PPP6R3: variants seen among roughly 807,000 people sequenced by gnomAD.
PPP6R3 encodes the protein protein phosphatase 6 regulatory subunit 3.
In PPP6R3, 38 loss-of-function variants were observed where a neutral mutation model predicts 110.7. That is an observed-to-expected ratio of 0.34 (90% CI 0.26 to 0.45). The LOEUF (loss-of-function observed/expected upper bound fraction) is 0.45. Ranked by LOEUF, PPP6R3 falls within the 20% of genes least tolerant of loss-of-function variation. The pLI is 1.00. For synonymous variants in PPP6R3, 369 were observed against 373.5 expected (o/e 0.99, Z 0.14); for missense variants, 870 against 1,062.4 (o/e 0.82, Z 2.52).
At chr11:68,530,969 G>C (rs1015906913) in intron 2 of PPP6R3, among the ~76,000 whole-genome samples, 3 of 151,946 alleles carry the variant, frequency 2.0e-5, no homozygotes, top group African/African-American at 4.8e-5. Context: ...CTTTCTTCAG[G>C]GTTCTAATAG....
intron 15 of PPP6R3, chr11:68,586,353 C>G (rs1406504438): frequency 1.3e-5 from 2 of 152,192 alleles, no homozygotes; most frequent in Non-Finnish European, 2.9e-5. Flanking sequence ...TGCTGGCTGT[C>G]ATTGTCCATT....
At position 68,614,773 on chromosome 11, in the gene PPP6R3, C is replaced by T. The variant is rs1944906406; in HGVS notation, c.*1656C>T. Reference sequence around the variant, plus strand: ...TGAGCCCCTCTCTGAAGAGACTGTCCTTGGGCCTCCTCTGGAAGCAGCACC... The same window carrying T: ...TGAGCCCCTCTCTGAAGAGACTGTCTTTGGGCCTCCTCTGGAAGCAGCACC... On this transcript the variant is annotated 3_prime_UTR_variant, in exon 24 of 24. Transcript: ENST00000393800. 6.5e-7 allele frequency: 1 copy of T among 1,540,230 alleles called. No homozygotes were observed. Among genetic ancestry groups the T allele is most frequent in the African/African-American group, 1.4e-5 (1 of 72,914 alleles).
chr11:68,531,072 T>C (rs1406809690), intron 2 of PPP6R3, among the ~76,000 whole-genome samples: 1 of 152,218 alleles, frequency 6.6e-6, no homozygotes, highest in Non-Finnish European at 1.5e-5. Flanking sequence ...AGGTAGTTTC[T>C]GAAATAACAC....
intron 1 of PPP6R3, among the ~76,000 whole-genome samples, chr11:68,472,772 A>G (rs2098801345): frequency 6.6e-6 from 1 of 152,116 alleles, no homozygotes; most frequent in Non-Finnish European, 1.5e-5. Context: ...CACCCCCTCA[A>G]CGACAACAAA....
chr11:68,463,355 GAAAAAAAAAA>G lies in PPP6R3; in HGVS notation c.-158+2541_-158+2550del, dbSNP rs1156285158. ...GGAGACAGAGCGAGACTCAGTCTCAGAAAAAAAAAAAAAAAAAAAAAAGATAGGGCTTTGC... is the reference window on the plus strand; with the variant it reads ...GGAGACAGAGCGAGACTCAGTCTCAGAAAAAAAAAAAAGATAGGGCTTTGC... On this transcript the variant is annotated intron_variant, in intron 1 of 23. Coordinates refer to ENST00000393800, the MANE Select transcript of PPP6R3 (RefSeq NM_001164161.2). Among the ~76,000 whole-genome samples the G allele has an allele frequency of 2.2e-4, 12 of 54,626 alleles. No homozygotes were observed. In the Admixed American group the frequency reaches 2.7e-3, roughly 12 times the overall value. The allele number at this position is 54,626 out of a possible 152,430, so 35.8% of individuals were successfully genotyped here. A position where few individuals can be genotyped will look rare whatever the true frequency, so the allele number is the denominator to read the frequency against.
chr11:68,564,658 T>C (rs1311417170), intron 9 of PPP6R3, among the ~76,000 whole-genome samples: 3 of 152,222 alleles, frequency 2.0e-5, no homozygotes, highest in African/African-American at 7.2e-5. Context: ...CTTCTGTAAA[T>C]TCTTGGGTAC....
chr11:68,574,971 T>G (rs1454167825), intron 13 of PPP6R3, among the ~76,000 whole-genome samples: 2 of 152,234 alleles, frequency 1.3e-5, no homozygotes, highest in African/African-American at 4.8e-5. Context: ...AATGTTTGTT[T>G]GTTCAAGAGG....
intron 1 of PPP6R3, among the ~76,000 whole-genome samples, chr11:68,484,574 T>TTA (rs1011484826): frequency 8.0e-5 from 12 of 150,564 alleles, no homozygotes; most frequent in African/African-American, 2.4e-4. Context: ...ATATATATTT[T>TTA]TATATATATA....
chr11:68,565,725 G>A (rs990787265), intron 9 of PPP6R3, among the ~76,000 whole-genome samples: 1 of 151,976 alleles, frequency 6.6e-6, no homozygotes, highest in South Asian at 2.1e-4. Flanking sequence ...GGACTTCTCT[G>A]TTACTCCGAG....
intron 19 of PPP6R3, among the ~76,000 whole-genome samples, chr11:68,598,348 C>A (rs1224347948): frequency 6.6e-6 from 1 of 152,196 alleles, no homozygotes; most frequent in Non-Finnish European, 1.5e-5. Flanking sequence ...GGGAAACACA[C>A]TTGGCTGGAC....
chr11:68,529,404 A>C (rs2099223121), intron 2 of PPP6R3, among the ~76,000 whole-genome samples: 2 of 152,140 alleles, frequency 1.3e-5, no homozygotes, highest in South Asian at 4.1e-4. Flanking sequence ...TTTTTAGTAG[A>C]GATGGAGTTT....
chr11:68,505,993 CTTTT>C lies in PPP6R3; in HGVS notation c.-157-13504_-157-13501del, dbSNP rs1236605077. The stretch of plus-strand genomic sequence containing the variant: ...GCCTTTTCTTCATTCATGTTTTATC[CTTTT>C]TTTCTTTATTTTTGGACACTGATAA... On this transcript the variant is annotated intron_variant, in intron 1 of 23. Coordinates refer to ENST00000393800, the MANE Select transcript of PPP6R3 (RefSeq NM_001164161.2). 4.6e-5 allele frequency among the ~76,000 whole-genome samples: 7 copies of C among 151,970 alleles called. No homozygotes were observed. In the South Asian group the frequency reaches 1.5e-3, roughly 32 times the overall value.
chr11:68,615,164 T>C lies in PPP6R3; in HGVS notation c.*2047T>C, dbSNP rs753788021. 3 of 446,566 alleles carry C rather than the reference T, an allele frequency of 6.7e-6. No individual in the cohort carries two copies. The highest frequency in any genetic ancestry group is 7.0e-5 in the East Asian group (1 of 14,228). The allele number at this position is 446,566 out of a possible 1,614,324, so 27.7% of individuals were successfully genotyped here. On this transcript the variant is annotated 3_prime_UTR_variant, in exon 24 of 24. Transcript: ENST00000393800. ...TATGACAATGGGGAGGACAGTTCTT[T>C]TGGAGGTTGGAGGGGCCAAGCCAAG...
At chr11:68,605,077 C>T (rs1472585825) in intron 22 of PPP6R3, among the ~76,000 whole-genome samples, 2 of 152,166 alleles carry the variant, frequency 1.3e-5, no homozygotes, top group Admixed American at 6.5e-5. Flanking sequence ...TGGTGGCTTG[C>T]ACCTGTAATC....
At chr11:68,477,275 A>G (rs546952204) in intron 1 of PPP6R3, among the ~76,000 whole-genome samples, 1 of 151,988 alleles carries the variant, frequency 6.6e-6, no homozygotes, top group East Asian at 1.9e-4. Flanking sequence ...ACAACACCGG[A>G]TGTCCCTGAC....
At chr11:68,520,510 G>A (rs1020494170) in intron 2 of PPP6R3, among the ~76,000 whole-genome samples, 3 of 152,198 alleles carry the variant, frequency 2.0e-5, no homozygotes, top group African/African-American at 7.2e-5. Flanking sequence ...GCAGGTGGAT[G>A]TTTCCTAGGC....
chr11:68,487,898 G>A (rs2153421386), intron 1 of PPP6R3, among the ~76,000 whole-genome samples: 1 of 152,288 alleles, frequency 6.6e-6, no homozygotes, highest in East Asian at 1.9e-4. Flanking sequence ...GTGCTATTGA[G>A]TTCCATCATG....
In PPP6R3 at chr11:68,583,084, T is replaced by G. The variant is rs766478197; in HGVS notation, c.1587T>G (p.Ile529Met). The change falls in exon 15 of 24, where the codon ATT becomes ATG. Residue 529 changes from isoleucine to methionine, a missense_variant. Ile to Met is a conservative substitution (Grantham distance 10). Transcript: ENST00000393800. Reference protein sequence around the residue: ...CHIHSSSDDEIDFKETGFSQD... With the variant: ...CHIHSSSDDEMDFKETGFSQD... ...TTCATTCATCCAGTGATGATGAAAT[T>G]GACTTTAAAGAAACGGGTTTCTCAC... The G allele has an allele frequency of 6.5e-7, 1 of 1,548,056 alleles. No individual in the cohort carries two copies. The highest frequency in any genetic ancestry group is 2.0e-5 in the Admixed American group (1 of 50,618).
intron 1 of PPP6R3, among the ~76,000 whole-genome samples, chr11:68,484,697 C>T (rs1012272189): frequency 6.6e-6 from 1 of 151,966 alleles, no homozygotes; most frequent in Admixed American, 6.6e-5. Flanking sequence ...AAGTGATTTT[C>T]CTGCCTCAGC....
Sources: gnomAD v4.1 joint callset for allele counts (sites outside exome capture counted in the v4.1 genomes callset) on GRCh38, gnomAD v4.1.1 for gene constraint, MANE v1.5 for transcripts, NCBI Gene and HGNC (gene_info 2026-07-23, HGNC 2026-07-21) for gene names.